Variants in LYPLAL1 observed in about 807,000 individuals in gnomAD.
LYPLAL1 encodes the protein lysophospholipase-like protein 1.
In LYPLAL1, 23 loss-of-function variants were observed where a neutral mutation model predicts 19.7. That is an observed-to-expected ratio of 1.17 (90% CI 0.84 to 1.65). The LOEUF (loss-of-function observed/expected upper bound fraction) is 1.65, where lower values mean the gene tolerates loss of function less well. Among genes scored for constraint, LYPLAL1 ranks in the 40% most tolerant of loss-of-function variants. The probability of loss-of-function intolerance (pLI) is 0.00; values close to 1 mark genes in which losing one functional copy is unlikely to be tolerated. For synonymous variants in LYPLAL1, 119 were observed against 96.3 expected (o/e 1.24, Z -1.38); for missense variants, 355 against 279.4 (o/e 1.27, Z -1.93).
At chr1:219,325,505 A>G in the LYPLAL1 span, among the ~76,000 whole-genome samples, 1 of 152,216 alleles carries the variant, frequency 6.6e-6, no homozygotes, top group East Asian at 1.9e-4. Flanking sequence ...GGAAATAGCA[A>G]TACTCTATCA....
intron 1 of LYPLAL1, 128 bp from the exon 2 acceptor site, chr1:219,179,019 A>G (rs1656045439): frequency 1.8e-6 from 1 of 550,980 alleles, no homozygotes; most frequent in Non-Finnish European, 3.2e-6. Context: ...CTATATGGTT[A>G]TTATGATGTA....
chr1:219,358,431 T>C, the LYPLAL1 span, among the ~76,000 whole-genome samples: 2 of 152,134 alleles, frequency 1.3e-5, no homozygotes, highest in Non-Finnish European at 2.9e-5. Context: ...ATAACAATCA[T>C]TGTATTAGTT....
the LYPLAL1 span, among the ~76,000 whole-genome samples, chr1:219,274,234 A>G: frequency 6.6e-6 from 1 of 152,238 alleles, no homozygotes; most frequent in Non-Finnish European, 1.5e-5. Context: ...GCCCAAATGT[A>G]GAACAGAAGG....
chr1:219,259,964 A>G, the LYPLAL1 span, among the ~76,000 whole-genome samples: 2 of 152,162 alleles, frequency 1.3e-5, no homozygotes, highest in South Asian at 2.1e-4. Context: ...AAGAATATTA[A>G]CAATTTGAAG....
At chr1:219,348,467 G>T in the LYPLAL1 span, among the ~76,000 whole-genome samples, 1 of 152,174 alleles carries the variant, frequency 6.6e-6, no homozygotes, top group Non-Finnish European at 1.5e-5. Context: ...CTTCTTCTGG[G>T]TCACTTCCAC....
the LYPLAL1 span, among the ~76,000 whole-genome samples, chr1:219,327,680 G>A: frequency 1.3e-5 from 2 of 152,178 alleles, no homozygotes; most frequent in Non-Finnish European, 2.9e-5. Flanking sequence ...ATCTTGAACT[G>A]TAGCTCCCAC....
chr1:219,358,684 G>C, the LYPLAL1 span, among the ~76,000 whole-genome samples: 3 of 152,210 alleles, frequency 2.0e-5, no homozygotes, highest in East Asian at 3.9e-4. Flanking sequence ...CAGCATGGGG[G>C]AAACCTCCCT....
the LYPLAL1 span, among the ~76,000 whole-genome samples, chr1:219,266,144 CA>C: frequency 8.0e-3 from 1,221 of 152,110 alleles, 16 homozygotes; most frequent in African/African-American, 0.028. Context: ...TAAACTTTAA[CA>C]TTTTTTTAAA....
At chr1:219,351,575 C>A in the LYPLAL1 span, among the ~76,000 whole-genome samples, 4 of 151,284 alleles carry the variant, frequency 2.6e-5, no homozygotes, top group African/African-American at 9.7e-5. Context: ...TCACTTTATC[C>A]CCAGCCTATC....
At chr1:219,407,342 C>T in the LYPLAL1 span, among the ~76,000 whole-genome samples, 1 of 152,124 alleles carries the variant, frequency 6.6e-6, no homozygotes, top group Non-Finnish European at 1.5e-5. Flanking sequence ...TAGAAAATGA[C>T]TATTGAGTTA....
At chr1:219,286,664 C>G in the LYPLAL1 span, among the ~76,000 whole-genome samples, 52,400 of 152,090 alleles carry the variant, frequency 0.34, 9,482 homozygotes, top group Non-Finnish European at 0.4. Context: ...CTGGTCAGAA[C>G]AAGTTACATG....
intron 3 of LYPLAL1, among the ~76,000 whole-genome samples, chr1:219,201,101 T>G (rs938577978): frequency 3.3e-5 from 5 of 152,238 alleles, no homozygotes; most frequent in African/African-American, 1.2e-4. Context: ...ATTACATTGA[T>G]TAATATGGTC....
At chr1:219,419,586 C>CAGAGAGAGAGAG in the LYPLAL1 span, among the ~76,000 whole-genome samples, 12 of 120,544 alleles carry the variant, frequency 1.0e-4, no homozygotes, top group African/African-American at 4.2e-4. Context: ...CACACACACA[C>CAGAGAGAGAGAG]ACACACACAG....
the LYPLAL1 span, among the ~76,000 whole-genome samples, chr1:219,287,075 A>G: frequency 6.6e-6 from 1 of 152,146 alleles, no homozygotes; most frequent in Non-Finnish European, 1.5e-5. Context: ...TTAGTTCATC[A>G]TTTTGCTCCT....
chr1:219,303,080 A>G, the LYPLAL1 span, among the ~76,000 whole-genome samples: 3 of 152,244 alleles, frequency 2.0e-5, no homozygotes, highest in Non-Finnish European at 2.9e-5. Context: ...AGTATAGAAA[A>G]TGCTCCACTA....
the LYPLAL1 span, among the ~76,000 whole-genome samples, chr1:219,380,731 G>A: frequency 8.3e-4 from 127 of 152,282 alleles, no homozygotes; most frequent in Admixed American, 6.9e-3. Flanking sequence ...TCTTGATACC[G>A]TATTTGCTAT....
chr1:219,389,763 C>T, the LYPLAL1 span, among the ~76,000 whole-genome samples: 1 of 152,084 alleles, frequency 6.6e-6, no homozygotes, highest in Non-Finnish European at 1.5e-5. Flanking sequence ...AAAGTAATTT[C>T]GGTTTTTGCC....
intron 3 of LYPLAL1, among the ~76,000 whole-genome samples, chr1:219,198,252 G>T (rs1657774068): frequency 6.6e-6 from 1 of 151,862 alleles, no homozygotes; most frequent in South Asian, 2.1e-4. Flanking sequence ...AGAAAAGCTA[G>T]CAGAAATGAC....
the LYPLAL1 span, among the ~76,000 whole-genome samples, chr1:219,376,082 T>C: frequency 6.6e-6 from 1 of 152,124 alleles, no homozygotes; most frequent in South Asian, 2.1e-4. Context: ...CCTACATTAA[T>C]CAAAATAGTG....
Sources: gnomAD v4.1 joint callset for allele counts (sites outside exome capture counted in the v4.1 genomes callset) on GRCh38, gnomAD v4.1.1 for gene constraint, MANE v1.5 for transcripts, NCBI Gene and HGNC (gene_info 2026-07-23, HGNC 2026-07-21) for gene names.